The following PTPRD variants were observed in gnomAD, a reference collection of about 807,000 sequenced individuals.
The protein encoded by PTPRD is receptor-type tyrosine-protein phosphatase delta.
PTPRD carries 34 observed loss-of-function variants against 214.5 expected under a neutral mutation model. The observed-to-expected ratio is 0.16, with a 90% CI of 0.12 to 0.21. PTPRD has a LOEUF of 0.21. Ranked by LOEUF, PTPRD falls within the 10% of genes least tolerant of loss-of-function variation. PTPRD has a pLI of 1.00. For synonymous variants in PTPRD, 1,128 were observed against 845.7 expected (o/e 1.33, Z -5.79); for missense variants, 2,545 against 2,398.7 (o/e 1.06, Z -1.27).
chr9:10,200,667 T>C (rs1356597999), intron 3 of PTPRD, among the ~76,000 whole-genome samples: 2 of 151,774 alleles, frequency 1.3e-5, no homozygotes. Flanking sequence ...TCAAGGGGAG[T>C]TATTGCAGAA....
intron 2 of PTPRD, among the ~76,000 whole-genome samples, chr9:10,361,070 C>T (rs1405475944): frequency 6.6e-6 from 1 of 152,144 alleles, no homozygotes. Context: ...CCACTGCACT[C>T]CAGCCTGGGC....
intron 9 of PTPRD, among the ~76,000 whole-genome samples, chr9:9,355,691 G>A (rs191870052): frequency 1.3e-5 from 2 of 151,590 alleles, no homozygotes; most frequent in Non-Finnish European, 3.0e-5. Flanking sequence ...GATGTAAATT[G>A]GAAGTCACAG....
intron 5 of PTPRD, among the ~76,000 whole-genome samples, chr9:9,885,985 A>C (rs558635391): frequency 0.018 from 2,263 of 127,360 alleles, 53 homozygotes; most frequent in African/African-American, 0.077. Context: ...CCCACATATT[A>C]AAAAAAAAAA....
At chr9:9,784,599 A>T (rs574104530) in intron 5 of PTPRD, among the ~76,000 whole-genome samples, 2 of 152,120 alleles carry the variant, frequency 1.3e-5, no homozygotes, top group South Asian at 4.1e-4. Context: ...TCTTATTTCA[A>T]GATTTTTTAA....
intron 2 of PTPRD, 117 bp from the exon 3 acceptor site, chr9:10,341,134 A>G (rs533926580): frequency 6.6e-6 from 1 of 152,064 alleles, no homozygotes; most frequent in Admixed American, 6.6e-5. Flanking sequence ...AAGCATTAAA[A>G]GCAGAGTTGT....
chr9:9,732,290 A>G lies in PTPRD; in HGVS notation c.-287+2243T>C, dbSNP rs544052777. Reference sequence around the variant, plus strand: ...GGCAATACTTAATTGTATAACTTGTATATCAAACTAGGGAAAAAAAACTCA... The same window carrying G: ...GGCAATACTTAATTGTATAACTTGTGTATCAAACTAGGGAAAAAAAACTCA... On this transcript the variant is annotated intron_variant, in intron 7 of 45. Transcript: ENST00000381196. Among the ~76,000 whole-genome samples, 8 of 152,250 alleles carry G rather than the reference A, an allele frequency of 5.3e-5. No individual in the cohort carries two copies. In the East Asian group the frequency reaches 1.6e-3, roughly 30 times the overall value.
intron 6 of PTPRD, among the ~76,000 whole-genome samples, chr9:9,749,450 A>G (rs76455245): frequency 0.05 from 7,536 of 152,216 alleles, 780 homozygotes; most frequent in East Asian, 0.4. Flanking sequence ...GAGGGGAAGA[A>G]CAGGGAATTA....
At chr9:8,984,244 C>G (rs751381328) in intron 11 of PTPRD, among the ~76,000 whole-genome samples, 1 of 151,944 alleles carries the variant, frequency 6.6e-6, no homozygotes, top group Non-Finnish European at 1.5e-5. Flanking sequence ...AATCTACTTT[C>G]AAACATTTTA....
chr9:9,781,435 G>A (rs2098841900), intron 5 of PTPRD, among the ~76,000 whole-genome samples: 1 of 152,118 alleles, frequency 6.6e-6, no homozygotes, highest in Non-Finnish European at 1.5e-5. Context: ...GGGAAAAAAA[G>A]AAAGACAACG....
intron 3 of PTPRD, among the ~76,000 whole-genome samples, chr9:10,068,517 T>C (rs917937000): frequency 9.2e-5 from 14 of 152,048 alleles, no homozygotes; most frequent in Admixed American, 3.3e-4. Flanking sequence ...CTACGTAATA[T>C]GGGAATATGT....
intron 9 of PTPRD, among the ~76,000 whole-genome samples, chr9:9,271,334 T>C (rs1274377085): frequency 6.6e-6 from 1 of 151,124 alleles, no homozygotes; most frequent in African/African-American, 2.4e-5. Flanking sequence ...GAACATGGTA[T>C]AATTTGGAAA....
intron 5 of PTPRD, among the ~76,000 whole-genome samples, chr9:9,874,095 T>C (rs1441410504): frequency 6.6e-6 from 1 of 152,142 alleles, no homozygotes. Context: ...CTTGCCCTTG[T>C]AGAATAGAGA....
intron 10 of PTPRD, among the ~76,000 whole-genome samples, chr9:9,061,109 T>C (rs1411172162): frequency 6.6e-6 from 1 of 152,186 alleles, no homozygotes; most frequent in Non-Finnish European, 1.5e-5. Context: ...AGGGCAGGGT[T>C]ACTAATAGGA....
chr9:10,609,130 A>G (rs2080269686), intron 2 of PTPRD, among the ~76,000 whole-genome samples: 1 of 152,126 alleles, frequency 6.6e-6, no homozygotes, highest in African/African-American at 2.4e-5. Context: ...AAAAATATGT[A>G]ACTGAAATTA....
At chr9:10,445,280 C>G (rs535791388) in intron 2 of PTPRD, among the ~76,000 whole-genome samples, 74 of 152,012 alleles carry the variant, frequency 4.9e-4, no homozygotes, top group Non-Finnish European at 8.1e-4. Context: ...GGAGTCAGAA[C>G]TACTTTGAGT....
intron 4 of PTPRD, among the ~76,000 whole-genome samples, chr9:9,947,454 T>TTATATACATA (rs1566619555): frequency 3.3e-5 from 1 of 30,258 alleles, no homozygotes; most frequent in Non-Finnish European, 4.6e-5. Context: ...TTTATATATT[T>TTATATACATA]TTATATATAC....
chr9:9,302,601 C>CTTTTTTTTTTTTTTTTTTTTTTTTTCT (rs3047853), intron 9 of PTPRD, among the ~76,000 whole-genome samples: 2 of 111,888 alleles, frequency 1.8e-5, no homozygotes, highest in Non-Finnish European at 1.7e-5. Flanking sequence ...TTTTTTTTTT[C>CTTTTTTTTTTTTTTTTTTTTTTTTTCT]TTTTTTTTTT....
chr9:9,357,026 T>G lies in PTPRD; in HGVS notation c.-203+40423A>C, dbSNP rs1189993251. ...TTGGGTCTCAAATATAATATGCACCTTCTGCCTTCTCTCATTCCTTCTCTT... is the reference window on the plus strand; with the variant it reads ...TTGGGTCTCAAATATAATATGCACCGTCTGCCTTCTCTCATTCCTTCTCTT... On this transcript the variant is annotated intron_variant, in intron 9 of 45. Coordinates refer to ENST00000381196, the MANE Select transcript of PTPRD (RefSeq NM_002839.4). Among the ~76,000 whole-genome samples, 16 of 151,364 alleles carry G rather than the reference T, an allele frequency of 1.1e-4. No homozygotes were observed. In the Admixed American group the frequency reaches 1.1e-3, roughly 10 times the overall value.
At chr9:9,026,428 T>C (rs1240974823) in intron 10 of PTPRD, among the ~76,000 whole-genome samples, 2 of 151,932 alleles carry the variant, frequency 1.3e-5, no homozygotes, top group Non-Finnish European at 2.9e-5. Context: ...ACCATGATAA[T>C]AATGAGGAAG....
Sources: gnomAD v4.1 joint callset for allele counts (sites outside exome capture counted in the v4.1 genomes callset) on GRCh38, gnomAD v4.1.1 for gene constraint, MANE v1.5 for transcripts, NCBI Gene and HGNC (gene_info 2026-07-23, HGNC 2026-07-21) for gene names.